The following ATP8A2 variants were observed in gnomAD, a reference collection of about 807,000 sequenced individuals.
The protein encoded by ATP8A2 is ATPase phospholipid transporting 8A2, also known as phospholipid-transporting ATPase IB.
A neutral mutation model predicts 165.6 loss-of-function variants in ATP8A2; 100 were observed. That is an observed-to-expected ratio of 0.60 (90% confidence interval 0.51 to 0.71). ATP8A2 has a LOEUF of 0.71. Ranked by LOEUF, ATP8A2 falls within the 30% of genes least tolerant of loss-of-function variation. The pLI, the probability that ATP8A2 is intolerant of heterozygous loss-of-function variation, is 0.00. For synonymous variants in ATP8A2, 543 were observed against 548.8 expected (o/e 0.99, Z 0.15); for missense variants, 1,227 against 1,479.5 (o/e 0.83, Z 2.80).
chr13:25,920,452 G>A (rs1223777209), intron 33 of ATP8A2, among the ~76,000 whole-genome samples: 2 of 152,152 alleles, frequency 1.3e-5, no homozygotes, highest in Non-Finnish European at 2.9e-5. Flanking sequence ...AGATGTCTTT[G>A]TGTTCCCCTG....
At chr13:25,994,590 A>G (rs1372489506) in intron 35 of ATP8A2, among the ~76,000 whole-genome samples, 3 of 152,110 alleles carry the variant, frequency 2.0e-5, no homozygotes, top group Non-Finnish European at 4.4e-5. Flanking sequence ...TTTTTAACTC[A>G]TGAATGGGTG....
At chr13:25,835,144 G>A (rs543672944) in intron 28 of ATP8A2, among the ~76,000 whole-genome samples, 9 of 152,252 alleles carry the variant, frequency 5.9e-5, no homozygotes, top group African/African-American at 2.2e-4. Context: ...CACGTAAACA[G>A]CAGGCATGAC....
At chr13:25,829,668 G>GTATAGA (rs1951406546) in intron 28 of ATP8A2, among the ~76,000 whole-genome samples, 1 of 63,422 alleles carries the variant, frequency 1.6e-5, no homozygotes, top group East Asian at 4.3e-4. Flanking sequence ...GACAGGTGTG[G>GTATAGA]TATATATATA....
At chr13:25,427,809 G>T (rs1373088156) in intron 1 of ATP8A2, among the ~76,000 whole-genome samples, 1 of 152,078 alleles carries the variant, frequency 6.6e-6, no homozygotes, top group African/African-American at 2.4e-5. Flanking sequence ...CAGGAGAATT[G>T]TTTGAACCTG....
intron 28 of ATP8A2, among the ~76,000 whole-genome samples, chr13:25,836,734 T>G (rs2138644322): frequency 1.3e-5 from 2 of 152,318 alleles, no homozygotes; most frequent in South Asian, 4.1e-4. Context: ...AAATGTCTGT[T>G]GAATGAATAA....
At chr13:25,373,800 G>A (rs2032515099) in intron 1 of ATP8A2, among the ~76,000 whole-genome samples, 1 of 152,148 alleles carries the variant, frequency 6.6e-6, no homozygotes, top group Non-Finnish European at 1.5e-5. Flanking sequence ...GTAGAGAGCT[G>A]GATTTATGAG....
intron 24 of ATP8A2, among the ~76,000 whole-genome samples, chr13:25,642,340 C>T (rs2041548447): frequency 3.3e-5 from 5 of 152,028 alleles, no homozygotes; most frequent in Admixed American, 3.3e-4. Context: ...AAAATTTTTG[C>T]AATCTACTCA....
intron 25 of ATP8A2, among the ~76,000 whole-genome samples, chr13:25,731,051 T>G: frequency 7.3e-6 from 1 of 136,428 alleles, no homozygotes; most frequent in Non-Finnish European, 1.5e-5. Context: ...TCCAGCCAGG[T>G]CGCAAAAAAG....
chr13:25,559,784 T>G lies in ATP8A2; in HGVS notation c.1397+19T>G. On this transcript the variant is annotated intron_variant, in intron 15 of 36. Transcript: ENST00000381655. ...ACTTCTGGTAAGTAGATTCTAGCAC[T>G]TCTTGACACTTTAGTGGAAAAGCTT... 7.0e-6 allele frequency: 11 copies of G among 1,575,584 alleles called. No individual in the cohort carries two copies. Among genetic ancestry groups the G allele is most frequent in the Non-Finnish European group, 9.6e-6 (11 of 1,145,940 alleles).
At chr13:25,560,912 A>C (rs1157843968) in intron 15 of ATP8A2, among the ~76,000 whole-genome samples, 6 of 147,216 alleles carry the variant, frequency 4.1e-5, no homozygotes, top group Non-Finnish European at 4.5e-5. Context: ...TTTGAGACGG[A>C]GTCTCGCTCT....
At chr13:25,639,033 A>C (rs1440954782) in intron 24 of ATP8A2, among the ~76,000 whole-genome samples, 1 of 152,136 alleles carries the variant, frequency 6.6e-6, no homozygotes, top group Non-Finnish European at 1.5e-5. Flanking sequence ...GAGAAATAAA[A>C]TCCTTTACAC....
chr13:25,687,345 G>A (rs377431819), intron 24 of ATP8A2, among the ~76,000 whole-genome samples: 4 of 152,324 alleles, frequency 2.6e-5, no homozygotes, highest in African/African-American at 7.2e-5. Context: ...TCCACAAAGA[G>A]CAAGTGACAG....
At chr13:25,657,110 A>T (rs1023647079) in intron 24 of ATP8A2, among the ~76,000 whole-genome samples, 6 of 148,402 alleles carry the variant, frequency 4.0e-5, no homozygotes, top group Non-Finnish European at 8.9e-5. Context: ...TTAATTCGGG[A>T]TATATATTGT....
chr13:25,677,521 A>G (rs2137786578), intron 24 of ATP8A2, among the ~76,000 whole-genome samples: 1 of 141,878 alleles, frequency 7.0e-6, no homozygotes, highest in East Asian at 2.5e-4. Flanking sequence ...GGTGGTGGAG[A>G]GACATTTAAT....
At chr13:25,884,483 G>C (rs958826289) in intron 33 of ATP8A2, among the ~76,000 whole-genome samples, 1 of 152,168 alleles carries the variant, frequency 6.6e-6, no homozygotes, top group African/African-American at 2.4e-5. Flanking sequence ...TCATTAGCAG[G>C]CTCTTAGAAG....
At position 25,392,608 on chromosome 13, in the gene ATP8A2, T is replaced by C. The variant is rs546245759; in HGVS notation, c.76+20320T>C. Among the ~76,000 whole-genome samples the C allele has an allele frequency of 4.6e-5, 7 of 152,348 alleles. No homozygotes were observed. The South Asian group carries it at 1.4e-3, about 32-fold the overall frequency. On this transcript the variant is annotated intron_variant, in intron 1 of 36. Transcript: ENST00000381655. The stretch of plus-strand genomic sequence containing the variant: ...CAAACTGTAACTAATTAAATTATTG[T>C]AACTCATAAACTAGCCTTTTATAAA...
chr13:25,395,594 G>A (rs962428305), intron 1 of ATP8A2, among the ~76,000 whole-genome samples: 2 of 152,128 alleles, frequency 1.3e-5, no homozygotes, highest in African/African-American at 4.8e-5. Context: ...GGACAGAAAA[G>A]GTGCAATCAT....
At position 25,501,589 on chromosome 13, in the gene ATP8A2, G is replaced by A. The variant is rs553292834; in HGVS notation, c.222-28410G>A. On this transcript the variant is annotated intron_variant, in intron 2 of 36. Transcript: ENST00000381655. The stretch of plus-strand genomic sequence containing the variant: ...CTAGAAGGGGCAATCCCCTCCCAGG[G>A]TCAGTGAAGCCCCAGGGGCCAGAGC... Among the ~76,000 whole-genome samples the A allele has an allele frequency of 2.6e-5, 4 of 152,336 alleles. No individual in the cohort carries two copies. The South Asian group carries it at 6.2e-4, about 24-fold the overall frequency.
At chr13:25,636,941 G>A (rs1255369310) in intron 24 of ATP8A2, among the ~76,000 whole-genome samples, 5 of 151,626 alleles carry the variant, frequency 3.3e-5, no homozygotes, top group African/African-American at 9.7e-5. Context: ...AAAAATAAAT[G>A]TAGCCAGACA....
Sources: gnomAD v4.1 joint callset for allele counts (sites outside exome capture counted in the v4.1 genomes callset) on GRCh38, gnomAD v4.1.1 for gene constraint, MANE v1.5 for transcripts, NCBI Gene and HGNC (gene_info 2026-07-23, HGNC 2026-07-21) for gene names.